The following GLIS3 variants were observed in gnomAD, a reference collection of about 807,000 sequenced individuals.
GLIS3 encodes the protein GLIS family zinc finger 3.
In GLIS3, 53 loss-of-function variants were observed where a neutral mutation model predicts 78.6. That is an observed-to-expected ratio of 0.67 (90% confidence interval 0.54 to 0.85). The LOEUF (loss-of-function observed/expected upper bound fraction) is 0.85. Among genes scored for constraint, GLIS3 ranks in the 40% least tolerant of loss-of-function variants. The pLI, the probability that GLIS3 is intolerant of heterozygous loss-of-function variation, is 0.00. For synonymous variants in GLIS3, 684 were observed against 509.9 expected (o/e 1.34, Z -4.60); for missense variants, 1,703 against 1,231.1 (o/e 1.38, Z -5.74).
chr9:4,189,018 T>C (rs988973775), intron 2 of GLIS3, among the ~76,000 whole-genome samples: 1 of 152,168 alleles, frequency 6.6e-6, no homozygotes, highest in African/African-American at 2.4e-5. Context: ...CTGATTTTAG[T>C]TATTTCTTGC....
intron 6 of GLIS3, among the ~76,000 whole-genome samples, chr9:3,925,044 C>T (rs1473053692): frequency 3.3e-5 from 5 of 152,122 alleles, no homozygotes; most frequent in African/African-American, 7.2e-5. Context: ...CAGAACTGTG[C>T]CCCAAAAACC....
chr9:3,900,680 T>C (rs1036804071), intron 6 of GLIS3, among the ~76,000 whole-genome samples: 6 of 152,164 alleles, frequency 3.9e-5, no homozygotes, highest in African/African-American at 1.4e-4. Context: ...CAAAGTTTTA[T>C]ATATATACAA....
rs114006812 is a variant in GLIS3, at chr9:4,074,630, C to A, written c.1710+43138G>T. Among the ~76,000 whole-genome samples the A allele has an allele frequency of 1.9e-3, 283 of 152,226 alleles. 3 individuals are homozygous for A. Among genetic ancestry groups the A allele is most frequent in the African/African-American group, 6.6e-3 (274 of 41,528 alleles). On this transcript the variant is annotated intron_variant, in intron 4 of 10. Transcript: ENST00000381971. Reference sequence around the variant, plus strand: ...ACTGTATCATAGGAGATGTGCTTTCCCTATTCCATTGATTTGGAAACTCCA... The same window carrying A: ...ACTGTATCATAGGAGATGTGCTTTCACTATTCCATTGATTTGGAAACTCCA...
intron 2 of GLIS3, among the ~76,000 whole-genome samples, chr9:4,183,864 T>G (rs1003730527): frequency 1.3e-5 from 2 of 152,198 alleles, no homozygotes; most frequent in African/African-American, 4.8e-5. Context: ...TTTCAGATCC[T>G]TAAGGGCAGA....
rs143684306 is a variant in GLIS3 at position 4,255,973 on chromosome 9, G to A, written c.388+30065C>T. On this transcript the variant is annotated intron_variant, in intron 2 of 10. Coordinates refer to ENST00000381971, the MANE Select transcript of GLIS3 (RefSeq NM_001042413.2). ...ATATATGCGTGCAGGGAGTATATGG[G>A]AAATCTCTGTACCTGTTGCTCAATT... is the stretch of plus-strand genomic sequence containing the variant. 6.8e-3 allele frequency among the ~76,000 whole-genome samples: 1,037 copies of A among 152,234 alleles called. 12 individuals are homozygous for A. The highest frequency in any genetic ancestry group is 0.024 in the African/African-American group (978 of 41,518).
the GLIS3 span, among the ~76,000 whole-genome samples, chr9:4,377,606 A>G: frequency 1.3e-5 from 2 of 151,206 alleles, 1 homozygote; most frequent in Admixed American, 1.3e-4. Flanking sequence ...ACAGGGTAAT[A>G]ATGCTATCTT....
chr9:4,287,902 A>T (rs1256266939), intron 1 of GLIS3, among the ~76,000 whole-genome samples: 2 of 152,262 alleles, frequency 1.3e-5, no homozygotes, highest in Non-Finnish European at 2.9e-5. Context: ...TTAACAATAT[A>T]AAATGTAGAA....
intron 4 of GLIS3, among the ~76,000 whole-genome samples, chr9:4,079,236 T>G (rs763475467): frequency 1.3e-5 from 2 of 152,160 alleles, no homozygotes; most frequent in African/African-American, 4.8e-5. Flanking sequence ...TACTCAACAA[T>G]AGTCAACATG....
the GLIS3 span, among the ~76,000 whole-genome samples, chr9:4,437,230 T>C: frequency 6.6e-6 from 1 of 152,198 alleles, no homozygotes; most frequent in Non-Finnish European, 1.5e-5. Flanking sequence ...AATACTACTT[T>C]TGATTGCTGG....
chr9:3,940,905 C>T (rs1478599238), intron 4 of GLIS3, among the ~76,000 whole-genome samples: 1 of 152,150 alleles, frequency 6.6e-6, no homozygotes, highest in African/African-American at 2.4e-5. Context: ...ACGTGTACGG[C>T]TGGGCAGGTT....
intron 8 of GLIS3, among the ~76,000 whole-genome samples, chr9:3,876,662 G>GAGAGAGAGAGAA (rs1821332327): frequency 7.6e-4 from 1 of 1,320 alleles, no homozygotes; most frequent in Non-Finnish European, 1.7e-3. Flanking sequence ...GAGAGAAAGA[G>GAGAGAGAGAGAA]AGAGAGAAAG....
the GLIS3 span, among the ~76,000 whole-genome samples, chr9:4,438,021 T>C: frequency 0.17 from 25,388 of 152,212 alleles, 2,555 homozygotes; most frequent in South Asian, 0.22. Context: ...ATGTGGATTT[T>C]TGACTGTATA....
chr9:4,079,477 C>T (rs1055439548), intron 4 of GLIS3, among the ~76,000 whole-genome samples: 2 of 152,174 alleles, frequency 1.3e-5, no homozygotes, highest in African/African-American at 2.4e-5. Context: ...TGGGGCAGTT[C>T]ATCCCACTGA....
chr9:4,054,746 TTTG>T (rs781664243), intron 4 of GLIS3, among the ~76,000 whole-genome samples: 12 of 152,318 alleles, frequency 7.9e-5, no homozygotes, highest in South Asian at 2.1e-4. Flanking sequence ...TGGATTTTTT[TTTG>T]TTATGTTTCA....
At chr9:4,021,152 T>G (rs1822851697) in intron 4 of GLIS3, among the ~76,000 whole-genome samples, 1 of 145,048 alleles carries the variant, frequency 6.9e-6, no homozygotes, top group African/African-American at 2.7e-5. Context: ...TGCTATAATA[T>G]CTGTACATGT....
chr9:3,901,569 C>CAGTA (rs968140510), intron 6 of GLIS3, among the ~76,000 whole-genome samples: 3 of 152,312 alleles, frequency 2.0e-5, no homozygotes, highest in Admixed American at 6.5e-5. Context: ...ACACATACAA[C>CAGTA]AGTAAGTTAC....
At chr9:3,997,798 AAG>A (rs1820852690) in intron 4 of GLIS3, among the ~76,000 whole-genome samples, 2 of 152,132 alleles carry the variant, frequency 1.3e-5, no homozygotes. Context: ...GAATAAGAAA[AAG>A]AGTTATGCTA....
At chr9:3,849,542 G>A (rs1373371209) in intron 9 of GLIS3, among the ~76,000 whole-genome samples, 1 of 152,170 alleles carries the variant, frequency 6.6e-6, no homozygotes, top group Non-Finnish European at 1.5e-5. Flanking sequence ...CACAAAGTTG[G>A]GAGGAGGCAT....
intron 2 of GLIS3, among the ~76,000 whole-genome samples, chr9:4,159,391 G>C (rs1229066200): frequency 6.6e-6 from 1 of 152,178 alleles, no homozygotes; most frequent in Non-Finnish European, 1.5e-5. Context: ...CTCAATGCTG[G>C]AGAAGGTACT....
Sources: allele counts gnomAD v4.1 joint callset (sites outside exome capture counted in the v4.1 genomes callset), GRCh38; gene constraint gnomAD v4.1.1; transcripts MANE v1.5; gene names NCBI Gene and HGNC (gene_info 2026-07-23, HGNC 2026-07-21).